The following BBS4 variants were observed in gnomAD, a reference collection of about 807,000 sequenced individuals.
BBS4 encodes the protein Bardet-Biedl syndrome 4.
Under a neutral mutation model 71.4 loss-of-function variants are expected in BBS4, and 58 were observed. The observed-to-expected ratio is 0.81, with a 90% CI of 0.66 to 1.01. BBS4 has a LOEUF of 1.01. BBS4 is among the 50% of genes least tolerant of loss of function. BBS4 has a pLI of 0.00. For missense variants in BBS4, 660 were observed against 607.9 expected, an observed-to-expected ratio of 1.09 and a Z score of -0.90; for synonymous variants, 228 against 216.8, an observed-to-expected ratio of 1.05 and a Z score of -0.46.
Position 72,729,625 on chromosome 15 carries a change from T to A in BBS4, c.652T>A (p.Tyr218Asn). 1 of 1,614,098 alleles carries A rather than the reference T, an allele frequency of 6.2e-7. No individual in the cohort carries two copies. The highest frequency in any genetic ancestry group is 8.5e-7 in the Non-Finnish European group (1 of 1,179,974). ...TTGCTTTTTTTCCAAGCTCGGCATT[T>A]ACCAGAAGGCATTTGAACATCTTGG... is the stretch of plus-strand genomic sequence containing the variant. ...LGLLYLQLGI[Y>N]QKAFEHLGNA... Residue 218 changes from tyrosine to asparagine, a missense_variant, in exon 10 of 16, where the codon TAC becomes AAC. Physicochemically the swap from Tyr to Asn is moderately radical, Grantham distance 143. Transcript: ENST00000268057.
chr15:72,707,900 C>T (rs1208597045), intron 2 of BBS4, among the ~76,000 whole-genome samples: 1 of 151,888 alleles, frequency 6.6e-6, no homozygotes, highest in East Asian at 1.9e-4. Flanking sequence ...ATAATGTTCT[C>T]ATTTGAGCTA....
intron 1 of BBS4, among the ~76,000 whole-genome samples, chr15:72,689,842 GC>G (rs1203480767): frequency 6.7e-6 from 1 of 150,346 alleles, no homozygotes; most frequent in Non-Finnish European, 1.5e-5. Flanking sequence ...ACGGAGTCTT[GC>G]TCTGTCGCCC....
At chr15:72,708,006 C>G (rs542982171) in intron 2 of BBS4, among the ~76,000 whole-genome samples, 1 of 149,734 alleles carries the variant, frequency 6.7e-6, no homozygotes, top group Admixed American at 6.7e-5. Context: ...CTCACTCTTT[C>G]ACCAGGCTGG....
At chr15:72,714,798 T>G (rs1011326382) in intron 4 of BBS4, among the ~76,000 whole-genome samples, 1 of 152,190 alleles carries the variant, frequency 6.6e-6, no homozygotes, top group African/African-American at 2.4e-5. Flanking sequence ...AGGAAAAACC[T>G]CTGGTTCTAA....
chr15:72,702,146 G>A (rs1429038732), intron 2 of BBS4, among the ~76,000 whole-genome samples: 1 of 152,036 alleles, frequency 6.6e-6, no homozygotes, highest in Non-Finnish European at 1.5e-5. Context: ...GTGCCTGGCC[G>A]CTTTAAAATC....
chr15:72,710,195 GTTTTTT>G (rs66684005), intron 3 of BBS4, among the ~76,000 whole-genome samples: 6 of 103,442 alleles, frequency 5.8e-5, no homozygotes, highest in Non-Finnish European at 3.7e-5. Context: ...ATTTTGTCGA[GTTTTTT>G]TTTTTTTTTT....
chr15:72,737,861 T>C lies in BBS4; in HGVS notation c.*274T>C. On this transcript the variant is annotated 3_prime_UTR_variant, in exon 16 of 16. Transcript: ENST00000268057. ...AGCAAGGCTTGAGGCCTTATGTATG[T>C]AGCTGAGTCAGCAAGGTACATGATG... 2.1e-6 allele frequency: 1 copy of C among 486,896 alleles called. No homozygotes were observed. Among genetic ancestry groups the C allele is most frequent in the East Asian group, 5.7e-5 (1 of 17,478 alleles). 30.2% of individuals were successfully genotyped at this position (486,896 alleles called of 1,614,324 possible). A position where few individuals can be genotyped will look rare whatever the true frequency, so the allele number is the denominator to read the frequency against.
chr15:72,691,054 A>G (rs1039644935), intron 1 of BBS4, among the ~76,000 whole-genome samples: 7 of 152,172 alleles, frequency 4.6e-5, no homozygotes, highest in African/African-American at 1.7e-4. Flanking sequence ...AATCAAGATC[A>G]TTAACCAAAT....
At chr15:72,734,994 G>A (rs2151053208) in intron 12 of BBS4, 119 bp from the exon 13 acceptor site, 1 of 740,094 alleles carries the variant, frequency 1.4e-6, no homozygotes, top group Admixed American at 2.0e-5. Flanking sequence ...TATCTAAGCT[G>A]ACTTAGTAAA....
intron 1 of BBS4, 21 bp downstream of exon 1, chr15:72,686,272 T>A: frequency 6.4e-7 from 1 of 1,562,438 alleles, no homozygotes; most frequent in Non-Finnish European, 8.7e-7. Flanking sequence ...AGATTCTCTT[T>A]AGTTGCCCGG....
rs1449017946 is a variant in BBS4, at chr15:72,712,156, C to T, written c.157-88C>T. 2.3e-5 allele frequency: 28 copies of T among 1,227,548 alleles called. 1 individual carries two copies. Among genetic ancestry groups the T allele is most frequent in the Middle Eastern group, 3.7e-4 (2 of 5,360 alleles). The allele number at this position is 1,227,548 out of a possible 1,614,324, so 76.0% of individuals were successfully genotyped here. The stretch of plus-strand genomic sequence containing the variant: ...TTTTGGGATTACAAGCATGAGCCAC[C>T]GCACCTGGCCTGTCCATGTCCACTT... On this transcript the variant is annotated intron_variant, in intron 3 of 15. Transcript: ENST00000268057.
intron 12 of BBS4, among the ~76,000 whole-genome samples, chr15:72,733,629 G>A (rs759794587): frequency 6.6e-6 from 1 of 152,142 alleles, no homozygotes; most frequent in Non-Finnish European, 1.5e-5. Context: ...TGGCTGTGTC[G>A]TATTCCATGG....
chr15:72,700,715 G>A (rs906478122), intron 2 of BBS4, among the ~76,000 whole-genome samples: 1 of 151,978 alleles, frequency 6.6e-6, no homozygotes, highest in African/African-American at 2.4e-5. Context: ...TTTCCCCCCA[G>A]CCTGTGTTTT....
intron 8 of BBS4, among the ~76,000 whole-genome samples, chr15:72,725,606 A>G (rs1018507018): frequency 2.0e-5 from 3 of 152,132 alleles, no homozygotes; most frequent in Non-Finnish European, 4.4e-5. Context: ...GTAAAAAACA[A>G]AACAAAACAA....
At chr15:72,698,843 A>C (rs919612522) in intron 2 of BBS4, among the ~76,000 whole-genome samples, 1 of 152,138 alleles carries the variant, frequency 6.6e-6, no homozygotes, top group East Asian at 1.9e-4. Flanking sequence ...CATGCTCTTC[A>C]CTTCATTAAT....
At chr15:72,701,520 A>T (rs928989245) in intron 2 of BBS4, among the ~76,000 whole-genome samples, 25 of 152,292 alleles carry the variant, frequency 1.6e-4, no homozygotes, top group Admixed American at 1.1e-3. Context: ...GAATACTAGC[A>T]AGCAATTTTT....
chr15:72,692,804 C>T (rs1297895483), intron 1 of BBS4, among the ~76,000 whole-genome samples: 1 of 151,658 alleles, frequency 6.6e-6, no homozygotes. Flanking sequence ...CGCTGTTTTG[C>T]CCAAGCTGTT....
At chr15:72,701,031 A>G (rs1393883763) in intron 2 of BBS4, among the ~76,000 whole-genome samples, 1 of 152,238 alleles carries the variant, frequency 6.6e-6, no homozygotes, top group Non-Finnish European at 1.5e-5. Flanking sequence ...GTGAATTTTT[A>G]CAAAGTAAAC....
intron 3 of BBS4, among the ~76,000 whole-genome samples, chr15:72,711,896 C>T (rs2065379204): frequency 6.6e-6 from 1 of 151,664 alleles, no homozygotes; most frequent in African/African-American, 2.4e-5. Context: ...CAGACAGAGT[C>T]TCACTCTGTT....
Sources: allele counts gnomAD v4.1 joint callset (sites outside exome capture counted in the v4.1 genomes callset), GRCh38; gene constraint gnomAD v4.1.1; transcripts MANE v1.5; gene names NCBI Gene and HGNC (gene_info 2026-07-23, HGNC 2026-07-21).